Variants in CYP4V2 observed in about 807,000 individuals in gnomAD.
CYP4V2 encodes cytochrome P450 family 4 subfamily V member 2, also known as cytochrome P450 4V2.
In CYP4V2, 55 loss-of-function variants were observed where a neutral mutation model predicts 60.8. The observed-to-expected ratio is 0.90, with a 90% CI of 0.73 to 1.13. CYP4V2 has a LOEUF of 1.13. Ranked by LOEUF, CYP4V2 falls within the 50% of genes most tolerant of loss-of-function variation. The pLI is 0.00. For synonymous variants in CYP4V2, 239 were observed against 236.8 expected (o/e 1.01, Z -0.08); for missense variants, 675 against 662.9 (o/e 1.02, Z -0.20).
chr4:186,210,124 AGTG>A (rs1736659035), intron 10 of CYP4V2, among the ~76,000 whole-genome samples: 1 of 152,222 alleles, frequency 6.6e-6, no homozygotes, highest in South Asian at 2.1e-4. Flanking sequence ...ATGAGGCCAG[AGTG>A]AAACGGGTGA....
chr4:186,201,083 T>C (rs1736291088), intron 6 of CYP4V2, 74 bp from the exon 7 acceptor site: 1 of 1,436,204 alleles, frequency 7.0e-7, no homozygotes, highest in Admixed American at 1.8e-5. Context: ...CTAGCATATT[T>C]TATAAGAAAA....
At position 186,196,989 on chromosome 4, in the gene CYP4V2, C is replaced by T. The variant is rs1736167389; in HGVS notation, c.463C>T (p.His155Tyr). The change falls in exon 4 of 11, where the codon CAT (histidine) becomes TAT (tyrosine). Residue 155 changes from histidine to tyrosine, a missense_variant. His to Tyr is a moderately conservative substitution (Grantham distance 83). Coordinates refer to ENST00000378802, the MANE Select transcript of CYP4V2 (RefSeq NM_207352.4). ...SRRKMLTPTF[H>Y]FTILEDFLDI... is the part of the protein sequence containing the mutation. ...GAGAAAGATGTTAACACCCACTTTC[C>T]ATTTTACCATTCTGGAAGATTTCTT... 1 of 1,613,554 alleles carries T rather than the reference C, an allele frequency of 6.2e-7. No individual in the cohort carries two copies. The highest frequency in any genetic ancestry group is 1.1e-5 in the South Asian group (1 of 91,050).
chr4:186,210,626 T>C lies in CYP4V2; in HGVS notation c.1563T>C (p.Asn521=), dbSNP rs770469863. Residue 521 remains asparagine (N), a synonymous_variant, in exon 11 of 11, where the codon AAT becomes AAC. Transcript: ENST00000378802. ...NGIWIKLKRR[N]ADER The stretch of plus-strand genomic sequence containing the variant: ...TCTGGATCAAGTTGAAGAGGAGAAA[T>C]GCAGATGAACGCTAACTATATTATT... 6.2e-6 allele frequency: 10 copies of C among 1,613,974 alleles called. No homozygotes were observed. In the Admixed American group the frequency reaches 1.2e-4, roughly 19 times the overall value.
At chr4:186,199,709 G>A (rs1215235638) in intron 6 of CYP4V2, among the ~76,000 whole-genome samples, 4 of 152,158 alleles carry the variant, frequency 2.6e-5, no homozygotes, top group Admixed American at 2.6e-4. Context: ...CTAGATATTA[G>A]TATTCTATTT....
chr4:186,191,674 A>G lies in CYP4V2; in HGVS notation c.-150A>G. The G allele has an allele frequency of 1.5e-6, 1 of 666,610 alleles. No individual in the cohort carries two copies. The highest frequency in any genetic ancestry group is 2.1e-6 in the Non-Finnish European group (1 of 481,806). 41.3% of individuals were successfully genotyped at this position (666,610 alleles called of 1,614,324 possible). A position where few individuals can be genotyped will look rare whatever the true frequency, so the allele number is the denominator to read the frequency against. Reference sequence around the variant, plus strand: ...TCTCTGGCCGCCGCCCGGGCGGGAAACGTCGTTCCGGGGACCGGGCGACCC... The same window carrying G: ...TCTCTGGCCGCCGCCCGGGCGGGAAGCGTCGTTCCGGGGACCGGGCGACCC... On this transcript the variant is annotated 5_prime_UTR_variant, in exon 1 of 11. Coordinates refer to ENST00000378802, the MANE Select transcript of CYP4V2 (RefSeq NM_207352.4).
Position 186,210,558 on chromosome 4 carries a change from C to G in CYP4V2, c.1495C>G (p.Leu499Val). ...AGAATCCAACCAGAAAAGAGAAGAG[C>G]TTGGTCTAGAAGGACAGTTGATTCT... ...WIESNQKREELGLEGQLILRP... is the reference protein window; with the variant it reads ...WIESNQKREEVGLEGQLILRP... Residue 499 changes from leucine to valine, a missense_variant, in exon 11 of 11, where the codon CTT (leucine) becomes GTT (valine). Physicochemically the swap from Leu to Val is conservative, Grantham distance 32. Transcript: ENST00000378802. The G allele has an allele frequency of 6.2e-7, 1 of 1,614,150 alleles. No individual in the cohort carries two copies. Among genetic ancestry groups the G allele is most frequent in the Non-Finnish European group, 8.5e-7 (1 of 1,180,020 alleles).
intron 5 of CYP4V2, 109 bp from the exon 6 acceptor site, chr4:186,198,848 A>G (rs1561432840): frequency 6.5e-7 from 1 of 1,550,006 alleles, no homozygotes; most frequent in Non-Finnish European, 8.8e-7. Flanking sequence ...CCTCTAAGAC[A>G]ATCATCGTCA....
intron 7 of CYP4V2, chr4:186,204,387 C>A (rs1198066534): frequency 1.3e-5 from 2 of 158,916 alleles, no homozygotes; most frequent in African/African-American, 5.7e-5. Flanking sequence ...GGAGGCGCTA[C>A]GCTGGCGTAA....
rs72647304 is a variant in CYP4V2 at position 186,212,930 on chromosome 4, G to A, written c.*2289G>A. On this transcript the variant is annotated 3_prime_UTR_variant, in exon 11 of 11. Coordinates refer to ENST00000378802, the MANE Select transcript of CYP4V2 (RefSeq NM_207352.4). ...CAATTGGAAATATTCCCATCAAATG[G>A]TTAATCTTATTTAGAAAATGGGCAT... 6.6e-6 allele frequency: 1 copy of A among 152,144 alleles called. No individual in the cohort carries two copies. Among genetic ancestry groups the A allele is most frequent in the Non-Finnish European group, 1.5e-5 (1 of 68,038 alleles). 9.4% of individuals were successfully genotyped at this position (152,144 alleles called of 1,614,324 possible). A position where few individuals can be genotyped will look rare whatever the true frequency, so the allele number is the denominator to read the frequency against.
In CYP4V2 at chr4:186,199,185, C is replaced by T. The variant is rs894263525; in HGVS notation, c.801+102C>T. 34 of 1,241,114 alleles carry T rather than the reference C, an allele frequency of 2.7e-5. 1 individual carries two copies. Among genetic ancestry groups the T allele is most frequent in the South Asian group, 1.8e-4 (14 of 78,130 alleles). The allele number at this position is 1,241,114 out of a possible 1,614,324, so 76.9% of individuals were successfully genotyped here. On this transcript the variant is annotated intron_variant, in intron 6 of 10. Coordinates refer to ENST00000378802, the MANE Select transcript of CYP4V2 (RefSeq NM_207352.4). ...AGTTTGGTGGTATTAAGTGCATTCA[C>T]GATGTTGTGCAACCATCCCCACCGT...
intron 4 of CYP4V2, 38 bp from the exon 5 acceptor site, chr4:186,197,495 C>G: frequency 6.3e-7 from 1 of 1,596,508 alleles, no homozygotes; most frequent in Non-Finnish European, 8.6e-7. Flanking sequence ...AACTAACGTG[C>G]GTGAATTGAA....
Position 186,197,079 on chromosome 4 carries a change from G to C in CYP4V2, c.553G>C (p.Ala185Pro), listed in dbSNP as rs750943905. The C allele has an allele frequency of 1.2e-6, 2 of 1,613,880 alleles. No individual in the cohort carries two copies. Among genetic ancestry groups the C allele is most frequent in the Non-Finnish European group, 1.7e-6 (2 of 1,179,986 alleles). ...KKLEKHINQE[A>P]FNCFFYITLC... is the part of the protein sequence containing the mutation. ...ACTTGAAAAACACATTAACCAAGAA[G>C]CATTTAACTGCTTTTTTTACATCAC... is the stretch of plus-strand genomic sequence containing the variant. The change falls in exon 4 of 11, where the codon GCA becomes CCA. Residue 185 changes from alanine (A) to proline (P), a missense_variant. Coordinates refer to ENST00000378802, the MANE Select transcript of CYP4V2 (RefSeq NM_207352.4).
At chr4:186,208,023 A>G (rs1012348647) in intron 8 of CYP4V2, among the ~76,000 whole-genome samples, 3 of 152,088 alleles carry the variant, frequency 2.0e-5, no homozygotes, top group Non-Finnish European at 2.9e-5. Flanking sequence ...TTCTTCTTTG[A>G]TGGGTATTTA....
intron 7 of CYP4V2, chr4:186,204,785 A>G (rs1429599195): frequency 3.2e-6 from 1 of 310,028 alleles, no homozygotes; most frequent in Non-Finnish European, 6.3e-6. Context: ...TTAGAACCAC[A>G]CCTCTACCCC....
intron 2 of CYP4V2, among the ~76,000 whole-genome samples, 183 bp downstream of exon 2, chr4:186,194,795 T>G (rs1346053629): frequency 6.6e-6 from 1 of 152,222 alleles, no homozygotes; most frequent in Non-Finnish European, 1.5e-5. Flanking sequence ...TCCTGGGAGA[T>G]TAACATTCTC....
At chr4:186,193,948 G>A (rs375902913) in intron 1 of CYP4V2, among the ~76,000 whole-genome samples, 64 of 152,220 alleles carry the variant, frequency 4.2e-4, no homozygotes, top group African/African-American at 1.3e-3. Context: ...ACTCCCAGCT[G>A]TTGGACCTGC....
intron 10 of CYP4V2, 32 bp downstream of exon 10, chr4:186,209,304 C>T: frequency 6.2e-7 from 1 of 1,613,494 alleles, no homozygotes; most frequent in Non-Finnish European, 8.5e-7. Flanking sequence ...TTTGACCTTT[C>T]AGGCCCACTT....
chr4:186,198,926 A>G (rs778773155), intron 5 of CYP4V2, 31 bp from the exon 6 acceptor site: 28 of 1,613,718 alleles, frequency 1.7e-5, no homozygotes, highest in Non-Finnish European at 2.4e-5. Flanking sequence ...TTTCTGATAC[A>G]ACAGCTGATG....
Position 186,199,035 on chromosome 4 carries a change from A to T in CYP4V2, c.753A>T (p.Gly251=). The T allele has an allele frequency of 6.2e-7, 1 of 1,614,140 alleles. No individual in the cohort carries two copies. Among genetic ancestry groups the T allele is most frequent in the Non-Finnish European group, 8.5e-7 (1 of 1,179,980 alleles). The change falls in exon 6 of 11, where the codon GGA becomes GGT. Residue 251 remains glycine, a synonymous_variant. Coordinates refer to ENST00000378802, the MANE Select transcript of CYP4V2 (RefSeq NM_207352.4). ...LDLWYLMFKE[G]WEHKKSLQIL... The stretch of plus-strand genomic sequence containing the variant: ...TCTGGTACCTTATGTTTAAAGAAGG[A>T]TGGGAACACAAAAAGAGCCTTCAGA...
Sources: allele counts gnomAD v4.1 joint callset (sites outside exome capture counted in the v4.1 genomes callset), GRCh38; gene constraint gnomAD v4.1.1; transcripts MANE v1.5; gene names NCBI Gene and HGNC (gene_info 2026-07-23, HGNC 2026-07-21).